The following NRXN1 variants were observed in gnomAD, a reference collection of about 807,000 sequenced individuals.
NRXN1 encodes neurexin-1.
NRXN1 carries 39 observed loss-of-function variants against 150.9 expected under a neutral mutation model. The observed-to-expected ratio is 0.26, with a 90% confidence interval of 0.20 to 0.34. The LOEUF (loss-of-function observed/expected upper bound fraction) is 0.34. Among genes scored for constraint, NRXN1 ranks in the 10% least tolerant of loss-of-function variants. The pLI, the probability that NRXN1 is intolerant of heterozygous loss-of-function variation, is 1.00. For synonymous variants in NRXN1, 924 were observed against 757.0 expected, an observed-to-expected ratio of 1.22 and a Z score of -3.62; for missense variants, 1,815 against 1,949.9, an observed-to-expected ratio of 0.93 and a Z score of 1.30.
At chr2:50,789,829 T>C (rs1346418801) in intron 5 of NRXN1, among the ~76,000 whole-genome samples, 1 of 152,184 alleles carries the variant, frequency 6.6e-6, no homozygotes, top group Non-Finnish European at 1.5e-5. Flanking sequence ...AGATGTTTAA[T>C]GCACAGAGTG....
At chr2:50,423,955 C>T (rs1281902517) in intron 17 of NRXN1, among the ~76,000 whole-genome samples, 1 of 151,988 alleles carries the variant, frequency 6.6e-6, no homozygotes, top group Non-Finnish European at 1.5e-5. Context: ...TTGCCCACTT[C>T]CAGAACTGAA....
At chr2:50,404,394 T>C (rs991304705) in intron 17 of NRXN1, among the ~76,000 whole-genome samples, 1 of 152,100 alleles carries the variant, frequency 6.6e-6, no homozygotes, top group Non-Finnish European at 1.5e-5. Context: ...ACTCTGAACA[T>C]TCTTCTTTAA....
intron 5 of NRXN1, among the ~76,000 whole-genome samples, chr2:50,909,070 A>G (rs60962440): frequency 0.087 from 13,234 of 152,168 alleles, 655 homozygotes; most frequent in South Asian, 0.12. Context: ...TTTTTTAAGT[A>G]AATGAGAAAT....
At chr2:50,728,312 T>C (rs920675387) in intron 5 of NRXN1, among the ~76,000 whole-genome samples, 1 of 152,152 alleles carries the variant, frequency 6.6e-6, no homozygotes, top group Non-Finnish European at 1.5e-5. Context: ...AGTTAACTTA[T>C]AATAAGGTAA....
chr2:50,514,234 G>C (rs1573346448), intron 12 of NRXN1, among the ~76,000 whole-genome samples: 2 of 152,184 alleles, frequency 1.3e-5, no homozygotes, highest in South Asian at 4.1e-4. Flanking sequence ...AAAAATACTA[G>C]AATCACCTTA....
intron 17 of NRXN1, among the ~76,000 whole-genome samples, chr2:50,324,406 A>G (rs1234822039): frequency 6.6e-6 from 1 of 152,258 alleles, no homozygotes; most frequent in Non-Finnish European, 1.5e-5. Flanking sequence ...ATATACTTAA[A>G]GACAATTAAT....
chr2:50,022,163 T>G (rs962105511), intron 21 of NRXN1, among the ~76,000 whole-genome samples: 1 of 151,986 alleles, frequency 6.6e-6, no homozygotes, highest in Admixed American at 6.6e-5. Context: ...TTTGTATTTT[T>G]AGTAGAGACG....
chr2:50,300,752 A>G (rs539506396), intron 17 of NRXN1, among the ~76,000 whole-genome samples: 66 of 152,122 alleles, frequency 4.3e-4, no homozygotes, highest in African/African-American at 1.5e-3. Flanking sequence ...CTGGAGTGCA[A>G]TGGCACTATC....
intron 5 of NRXN1, among the ~76,000 whole-genome samples, chr2:50,765,672 C>T (rs1702304832): frequency 6.6e-6 from 1 of 152,006 alleles, no homozygotes; most frequent in South Asian, 2.1e-4. Flanking sequence ...TAAGCATATC[C>T]AGAATGGTAA....
At chr2:50,217,174 T>C (rs1243560485) in intron 18 of NRXN1, among the ~76,000 whole-genome samples, 1 of 152,086 alleles carries the variant, frequency 6.6e-6, no homozygotes, top group Non-Finnish European at 1.5e-5. Context: ...ATTGGTATTG[T>C]CCTCAACTTT....
At chr2:50,681,886 C>T (rs1285426006) in intron 5 of NRXN1, among the ~76,000 whole-genome samples, 5 of 151,216 alleles carry the variant, frequency 3.3e-5, no homozygotes, top group African/African-American at 1.2e-4. Flanking sequence ...AAATTGTGTT[C>T]TGATATTTAT....
At chr2:50,293,175 C>T (rs2073145903) in intron 17 of NRXN1, among the ~76,000 whole-genome samples, 1 of 152,080 alleles carries the variant, frequency 6.6e-6, no homozygotes, top group Non-Finnish European at 1.5e-5. Context: ...CCAAGCCTGC[C>T]TCATTGTCCT....
At chr2:50,619,946 G>A in intron 8 of NRXN1, 76 bp downstream of exon 8, 1 of 1,349,462 alleles carries the variant, frequency 7.4e-7, no homozygotes, top group East Asian at 2.5e-5. Flanking sequence ...CGGGTCTTCA[G>A]CAAAGGTGCT....
At chr2:50,092,005 A>T (rs1173202623) in intron 18 of NRXN1, among the ~76,000 whole-genome samples, 2 of 152,208 alleles carry the variant, frequency 1.3e-5, no homozygotes, top group African/African-American at 4.8e-5. Context: ...AAACCATCAA[A>T]TACTAACAGC....
intron 21 of NRXN1, among the ~76,000 whole-genome samples, chr2:50,048,021 AC>A (rs1211482869): frequency 6.6e-6 from 1 of 151,984 alleles, no homozygotes; most frequent in African/African-American, 2.4e-5. Flanking sequence ...AAACCTCCAG[AC>A]CCCAAAGAAA....
At position 50,871,444 on chromosome 2, in the gene NRXN1, C is replaced by T. The variant is rs543880986; in HGVS notation, c.832+50425G>A. ...AACATGGGCTTATAAGGTGAACAAA[C>T]GTAGAAAGTTCTAAAATATTATGAT... On this transcript the variant is annotated intron_variant, in intron 5 of 22. Transcript: ENST00000401669. Among the ~76,000 whole-genome samples the T allele has an allele frequency of 3.0e-4, 46 of 151,824 alleles. 1 individual carries two copies. The highest frequency in any genetic ancestry group is 2.5e-3 in the South Asian group (12 of 4,830).
intron 5 of NRXN1, among the ~76,000 whole-genome samples, chr2:50,862,711 C>A (rs539457040): frequency 1.3e-5 from 2 of 152,218 alleles, no homozygotes; most frequent in East Asian, 3.9e-4. Context: ...AGGCACTTTA[C>A]ATATTTGCTT....
At chr2:50,019,270 A>C in intron 21 of NRXN1, 1 of 471,510 alleles carries the variant, frequency 2.1e-6, no homozygotes, top group Non-Finnish European at 4.4e-6. Flanking sequence ...CCTGTTCTCC[A>C]TAAGTTTGAA....
At chr2:49,930,368 C>T (rs755296674) in intron 22 of NRXN1, among the ~76,000 whole-genome samples, 2 of 151,942 alleles carry the variant, frequency 1.3e-5, no homozygotes, top group Non-Finnish European at 2.9e-5. Context: ...AGAGTAAATA[C>T]CTCTAAAATA....
Sources: allele counts gnomAD v4.1 joint callset (sites outside exome capture counted in the v4.1 genomes callset), GRCh38; gene constraint gnomAD v4.1.1; transcripts MANE v1.5; gene names NCBI Gene and HGNC (gene_info 2026-07-23, HGNC 2026-07-21).